Variants in ARHGAP22 observed in about 807,000 individuals in gnomAD.
ARHGAP22 encodes the protein Rho GTPase activating protein 22.
A neutral mutation model predicts 59.1 loss-of-function variants in ARHGAP22; 48 were observed. The ratio of observed to expected loss-of-function variants is 0.81; its 90% CI spans 0.64 to 1.03. ARHGAP22 has a LOEUF of 1.03. ARHGAP22 is among the 50% of genes least tolerant of loss of function. The probability of loss-of-function intolerance (pLI) is 0.00; values close to 1 mark genes in which losing one functional copy is unlikely to be tolerated. For synonymous variants in ARHGAP22, 445 were observed against 416.4 expected (o/e 1.07, Z -0.84); for missense variants, 1,015 against 958.7 (o/e 1.06, Z -0.78).
rs2052948895 is a variant in ARHGAP22, at chr10:48,513,084, T to A, written c.323-33320A>T. Among the ~76,000 whole-genome samples, 3 of 152,188 alleles carry A rather than the reference T, an allele frequency of 2.0e-5. No individual in the cohort carries two copies. The South Asian group carries it at 6.2e-4, about 31-fold the overall frequency. On this transcript the variant is annotated intron_variant, in intron 3 of 9. Coordinates refer to ENST00000249601, the MANE Select transcript of ARHGAP22 (RefSeq NM_021226.4). ...TAATCCCCCGTGCTTCCACAGACAC[T>A]GAGAGAGCATTGTCATATTTGATCT...
chr10:48,452,112 C>T (rs2046029484), intron 8 of ARHGAP22, among the ~76,000 whole-genome samples: 2 of 152,294 alleles, frequency 1.3e-5, no homozygotes, highest in South Asian at 4.1e-4. Flanking sequence ...GCCAAGGCCC[C>T]TGAGATGCAG....
intron 4 of ARHGAP22, among the ~76,000 whole-genome samples, chr10:48,478,756 A>C (rs965993937): frequency 6.6e-6 from 1 of 152,088 alleles, no homozygotes; most frequent in Non-Finnish European, 1.5e-5. Flanking sequence ...CTCATACCCC[A>C]TGTCCAGACC....
intron 1 of ARHGAP22, among the ~76,000 whole-genome samples, chr10:48,636,274 A>G (rs1282010205): frequency 6.6e-6 from 1 of 152,194 alleles, no homozygotes; most frequent in Admixed American, 6.5e-5. Context: ...TGCATGAAGG[A>G]GACATTCAGG....
intron 1 of ARHGAP22, among the ~76,000 whole-genome samples, chr10:48,597,797 T>G (rs940358489): frequency 2.0e-5 from 3 of 152,244 alleles, no homozygotes; most frequent in Non-Finnish European, 4.4e-5. Flanking sequence ...CCATGTCGAT[T>G]ATAAATTTCA....
chr10:48,533,385 A>G (rs3910907), intron 3 of ARHGAP22, among the ~76,000 whole-genome samples: 105,606 of 151,950 alleles, frequency 0.7, 37,996 homozygotes, highest in Middle Eastern at 0.79. Context: ...AGAAAAATTT[A>G]AAGCCTGGCT....
intron 1 of ARHGAP22, among the ~76,000 whole-genome samples, chr10:48,595,989 A>G (rs939654354): frequency 6.6e-6 from 1 of 151,346 alleles, no homozygotes; most frequent in South Asian, 2.1e-4. Context: ...TGAAAATATT[A>G]ATTTTTAAGT....
At chr10:48,635,798 T>C (rs964563676) in intron 1 of ARHGAP22, among the ~76,000 whole-genome samples, 2 of 152,192 alleles carry the variant, frequency 1.3e-5, no homozygotes, top group Non-Finnish European at 2.9e-5. Flanking sequence ...CCCAAGCCCT[T>C]GTCTTAGGCT....
At position 48,459,698 on chromosome 10, in the gene ARHGAP22, C is replaced by T; in HGVS notation, c.645G>A (p.Lys215=). ...CACAAGCTCACCTGTCAAACAGTGG[C>T]TTCTCCCCACAGTCGAAGGAATCCT... ...DLQDSFDCGE[K]PLFDSTTDVH... is the part of the protein sequence containing the mutation. Residue 215 remains lysine (K), a synonymous_variant, in exon 5 of 10, where the codon AAG becomes AAA. Coordinates refer to ENST00000249601, the MANE Select transcript of ARHGAP22 (RefSeq NM_021226.4). 6.2e-7 allele frequency: 1 copy of T among 1,614,176 alleles called. No homozygotes were observed. Among genetic ancestry groups the T allele is most frequent in the Non-Finnish European group, 8.5e-7 (1 of 1,180,028 alleles).
intron 1 of ARHGAP22, among the ~76,000 whole-genome samples, chr10:48,641,856 AG>A (rs1376288933): frequency 6.6e-6 from 1 of 152,240 alleles, no homozygotes; most frequent in African/African-American, 2.4e-5. Context: ...CCATTCTCTC[AG>A]CCCAAAATCT....
intron 2 of ARHGAP22, among the ~76,000 whole-genome samples, chr10:48,567,173 G>A (rs935242275): frequency 6.6e-6 from 1 of 152,188 alleles, no homozygotes; most frequent in Non-Finnish European, 1.5e-5. Context: ...GTCACTCCTG[G>A]GGTCTACCCC....
intron 2 of ARHGAP22, among the ~76,000 whole-genome samples, chr10:48,561,825 C>T (rs2057705037): frequency 6.6e-6 from 1 of 152,136 alleles, no homozygotes; most frequent in African/African-American, 2.4e-5. Flanking sequence ...AAAGACTGAC[C>T]AGACTAAGTG....
intron 3 of ARHGAP22, among the ~76,000 whole-genome samples, chr10:48,507,172 C>A (rs959091049): frequency 6.6e-6 from 1 of 152,234 alleles, no homozygotes; most frequent in Non-Finnish European, 1.5e-5. Context: ...CCCTTCCATA[C>A]ACAGAGCATC....
At chr10:48,599,838 G>A (rs2060278262) in intron 1 of ARHGAP22, among the ~76,000 whole-genome samples, 1 of 152,216 alleles carries the variant, frequency 6.6e-6, no homozygotes, top group African/African-American at 2.4e-5. Flanking sequence ...CCTGCACCTA[G>A]TGATGGCATT....
chr10:48,477,255 T>C (rs2048842886), intron 4 of ARHGAP22, among the ~76,000 whole-genome samples: 2 of 152,266 alleles, frequency 1.3e-5, no homozygotes, highest in South Asian at 4.1e-4. Context: ...TTCAACTTTA[T>C]ATAGGTAGAT....
Position 48,450,592 on chromosome 10 carries a change from A to ACCACGCCATACTGG in ARHGAP22, c.1523_1536dup (p.Ser513ProfsTer114). On this transcript the variant is annotated frameshift_variant, in exon 9 of 10. Coordinates refer to ENST00000249601, the MANE Select transcript of ARHGAP22 (RefSeq NM_021226.4). LOFTEE classifies it high-confidence loss of function. ...GACGACTCGCTGGACGAGGCCCCGG[A>ACCACGCCATACTGG]CCACGCCATACTGGCCACGCTGGGT... 6.5e-7 allele frequency: 1 copy of ACCACGCCATACTGG among 1,544,818 alleles called. No individual in the cohort carries two copies.
intron 4 of ARHGAP22, among the ~76,000 whole-genome samples, chr10:48,478,732 C>T (rs1167492746): frequency 6.6e-6 from 1 of 152,158 alleles, no homozygotes; most frequent in Non-Finnish European, 1.5e-5. Context: ...GGCTGGGAGT[C>T]ACCTTTCATT....
intron 1 of ARHGAP22, among the ~76,000 whole-genome samples, chr10:48,592,832 C>A (rs182373848): frequency 5.4e-4 from 82 of 152,342 alleles, no homozygotes; most frequent in Non-Finnish European, 4.4e-5. Context: ...TGCTTTGTTT[C>A]TCACCCGAGT....
intron 4 of ARHGAP22, 150 bp from the exon 5 acceptor site, chr10:48,460,041 T>A: frequency 1.2e-6 from 1 of 830,172 alleles, no homozygotes; most frequent in Non-Finnish European, 1.9e-6. Context: ...ACCAGAAGGC[T>A]GTGCCCTGGC....
At chr10:48,526,588 TC>T (rs1307307575) in intron 3 of ARHGAP22, among the ~76,000 whole-genome samples, 1 of 152,118 alleles carries the variant, frequency 6.6e-6, no homozygotes, top group Non-Finnish European at 1.5e-5. Context: ...AAGCTAGAGC[TC>T]CCTGCATTCA....
Sources: allele counts gnomAD v4.1 joint callset (sites outside exome capture counted in the v4.1 genomes callset), GRCh38; gene constraint gnomAD v4.1.1; transcripts MANE v1.5; gene names NCBI Gene and HGNC (gene_info 2026-07-23, HGNC 2026-07-21).